ADAM12: variants seen among roughly 807,000 people sequenced by gnomAD.
ADAM12 encodes ADAM metallopeptidase domain 12.
In ADAM12, 70 loss-of-function variants were observed where a neutral mutation model predicts 106.4. The ratio of observed to expected loss-of-function variants is 0.66; its 90% CI spans 0.54 to 0.80. The LOEUF is 0.80. Among genes scored for constraint, ADAM12 ranks in the 30% least tolerant of loss-of-function variants. ADAM12 has a pLI of 0.00. For missense variants in ADAM12, 1,010 were observed against 1,171.9 expected, an observed-to-expected ratio of 0.86 and a Z score of 2.02; for synonymous variants, 420 against 433.5, an observed-to-expected ratio of 0.97 and a Z score of 0.39.
chr10:126,215,750 A>T (rs971104396), intron 3 of ADAM12, among the ~76,000 whole-genome samples: 3 of 152,184 alleles, frequency 2.0e-5, no homozygotes, highest in Admixed American at 6.5e-5. Flanking sequence ...TCAAAAGCAG[A>T]ATGTGTACCA....
chr10:126,113,768 C>A (rs1955929253), intron 6 of ADAM12, among the ~76,000 whole-genome samples: 2 of 112,478 alleles, frequency 1.8e-5, no homozygotes, highest in East Asian at 2.9e-4. Context: ...AGAACGGATT[C>A]TAGGGAGATG....
intron 2 of ADAM12, among the ~76,000 whole-genome samples, chr10:126,280,201 C>G (rs1959500756): frequency 6.6e-6 from 1 of 151,840 alleles, no homozygotes; most frequent in Admixed American, 6.6e-5. Flanking sequence ...AAACCCATAA[C>G]AACTGAAGGT....
Position 126,064,703 on chromosome 10 carries a change from C to T in ADAM12, c.1609+103G>A. 7.9e-7 allele frequency: 1 copy of T among 1,269,120 alleles called. No homozygotes were observed. The highest frequency in any genetic ancestry group is 1.5e-5 in the African/African-American group (1 of 67,738). The allele number at this position is 1,269,120 out of a possible 1,614,324, so 78.6% of individuals were successfully genotyped here. A position where few individuals can be genotyped will look rare whatever the true frequency, so the allele number is the denominator to read the frequency against. On this transcript the variant is annotated intron_variant, in intron 14 of 22. Coordinates refer to ENST00000448723, the MANE Select transcript of ADAM12 (RefSeq NM_001288973.2). The surrounding 1 kb of genome is among the most constrained non-coding windows in gnomAD (Gnocchi z 4.4). ...ACACCGGATGCTGTGTGGACAGCGC[C>T]CGCCAGGAGTGGGGGCTAACCAAAA...
intron 1 of ADAM12, among the ~76,000 whole-genome samples, chr10:126,361,082 G>A (rs146009958): frequency 3.3e-5 from 5 of 152,228 alleles, no homozygotes; most frequent in African/African-American, 1.2e-4. Context: ...AGAAAGATCT[G>A]CCCCCATGAT....
intron 5 of ADAM12, among the ~76,000 whole-genome samples, chr10:126,124,815 C>A (rs953117297): frequency 1.4e-5 from 2 of 139,892 alleles, no homozygotes; most frequent in African/African-American, 5.4e-5. Flanking sequence ...TCACTTGAAC[C>A]TGGGAGGCGG....
chr10:126,246,039 T>C (rs1434629551), intron 3 of ADAM12, among the ~76,000 whole-genome samples: 3 of 151,730 alleles, frequency 2.0e-5, no homozygotes, highest in African/African-American at 7.3e-5. Flanking sequence ...TCAGAGCATA[T>C]TGAGAGGTGG....
At chr10:126,311,394 G>A (rs1424162724) in intron 2 of ADAM12, among the ~76,000 whole-genome samples, 2 of 152,188 alleles carry the variant, frequency 1.3e-5, no homozygotes, top group Non-Finnish European at 2.9e-5. Context: ...CACTGGCAGA[G>A]CAGATGAGAC....
At chr10:126,106,361 A>G (rs1243724370) in intron 8 of ADAM12, among the ~76,000 whole-genome samples, 3 of 152,184 alleles carry the variant, frequency 2.0e-5, no homozygotes, top group Admixed American at 1.3e-4. Flanking sequence ...GCACACAGTA[A>G]CTGGTAAAAA....
intron 3 of ADAM12, among the ~76,000 whole-genome samples, chr10:126,208,631 T>C (rs148306865): frequency 9.1e-4 from 138 of 152,156 alleles, no homozygotes; most frequent in African/African-American, 3.2e-3. Context: ...ATTTCATGTT[T>C]ATTGGGGGAT....
intron 18 of ADAM12, chr10:126,042,337 C>A: frequency 6.8e-7 from 1 of 1,470,128 alleles, no homozygotes; most frequent in Non-Finnish European, 9.1e-7. Context: ...TAAAGGTCAT[C>A]CGAGGAGAAA....
chr10:126,369,420 A>G (rs1436397230), intron 1 of ADAM12, among the ~76,000 whole-genome samples: 1 of 152,192 alleles, frequency 6.6e-6, no homozygotes, highest in African/African-American at 2.4e-5. Flanking sequence ...GAGACATAGC[A>G]TTTTGAGAAC....
chr10:126,327,910 C>T (rs1854362472), intron 2 of ADAM12, among the ~76,000 whole-genome samples: 1 of 152,192 alleles, frequency 6.6e-6, no homozygotes, highest in South Asian at 2.1e-4. Context: ...GCCCCTGTTG[C>T]TCCCGCATCA....
At chr10:126,088,440 C>G (rs977822735) in intron 11 of ADAM12, among the ~76,000 whole-genome samples, 2 of 151,994 alleles carry the variant, frequency 1.3e-5, no homozygotes, top group African/African-American at 4.8e-5. Flanking sequence ...GTCACTTACA[C>G]CTGCATTCCT....
chr10:126,147,870 T>C (rs183987045), intron 4 of ADAM12, among the ~76,000 whole-genome samples: 2 of 152,358 alleles, frequency 1.3e-5, no homozygotes, highest in East Asian at 3.9e-4. Flanking sequence ...GAACAGGTCA[T>C]GGTACCTGCG....
intron 2 of ADAM12, among the ~76,000 whole-genome samples, chr10:126,310,745 T>C (rs1166965279): frequency 6.6e-6 from 1 of 152,138 alleles, no homozygotes; most frequent in African/African-American, 2.4e-5. Context: ...AATGGGAAGG[T>C]ACAAAAGAAC....
chr10:126,136,823 T>G (rs1590477125), intron 4 of ADAM12, among the ~76,000 whole-genome samples: 1 of 152,174 alleles, frequency 6.6e-6, no homozygotes, highest in Non-Finnish European at 1.5e-5. Context: ...GGGACATTTA[T>G]TATTCTGTTG....
At chr10:126,268,719 C>T (rs1380553588) in intron 3 of ADAM12, among the ~76,000 whole-genome samples, 1 of 152,156 alleles carries the variant, frequency 6.6e-6, no homozygotes, top group East Asian at 1.9e-4. Flanking sequence ...GGCTCAACTC[C>T]ACTCAAGATA....
intron 8 of ADAM12, among the ~76,000 whole-genome samples, chr10:126,104,801 G>A (rs1021358554): frequency 3.3e-5 from 5 of 152,326 alleles, no homozygotes; most frequent in Middle Eastern, 3.4e-3. Context: ...AGTCTAGGAT[G>A]TCCTCTTTCT....
intron 21 of ADAM12, among the ~76,000 whole-genome samples, chr10:126,020,427 A>C (rs1305798217): frequency 6.6e-6 from 1 of 152,090 alleles, no homozygotes; most frequent in Non-Finnish European, 1.5e-5. Context: ...AAACACACTA[A>C]GGGGCAGGGC....
Sources: allele counts gnomAD v4.1 joint callset (sites outside exome capture counted in the v4.1 genomes callset), GRCh38; gene constraint gnomAD v4.1.1; non-coding constraint Gnocchi (gnomAD v3.1); transcripts MANE v1.5; gene names NCBI Gene and HGNC (gene_info 2026-07-23, HGNC 2026-07-21).